Variants in PCDHA11 observed in about 807,000 individuals in gnomAD.
PCDHA11 encodes protocadherin alpha 11, also known as protocadherin alpha-11.
Under a neutral mutation model 70.3 loss-of-function variants are expected in PCDHA11, and 61 were observed. That is an observed-to-expected ratio of 0.87 (90% CI 0.71 to 1.07). The LOEUF (loss-of-function observed/expected upper bound fraction) is 1.07, where lower values mean the gene tolerates loss of function less well. PCDHA11 is among the 50% of genes least tolerant of loss of function. The pLI is 0.00. For missense variants in PCDHA11, 1,324 were observed against 1,237.5 expected (o/e 1.07, Z -1.05); for synonymous variants, 633 against 555.1 (o/e 1.14, Z -1.97).
chr5:140,890,990 A>T (rs782516672), intron 1 of PCDHA11, among the ~76,000 whole-genome samples: 1 of 152,142 alleles, frequency 6.6e-6, no homozygotes, highest in African/African-American at 2.4e-5. Flanking sequence ...TCTTTATTTC[A>T]TCATAATTAT....
rs1259591783 is a variant in PCDHA11, at chr5:141,009,842, G to C, written c.2755G>C (p.Glu919Gln). 1.2e-6 allele frequency: 2 copies of C among 1,613,960 alleles called. No individual in the cohort carries two copies. The highest frequency in any genetic ancestry group is 1.7e-6 in the Non-Finnish European group (2 of 1,180,014). ...TGACTTCATAACCTTCGGCAAAAAG[G>C]AGGAGACCAAGAAAAAGAAGAAAAA... ...KSDFITFGKKEETKKKKKKKK... is the reference protein window; with the variant it reads ...KSDFITFGKKQETKKKKKKKK... The change falls in exon 4 of 4, where the codon GAG becomes CAG. Residue 919 changes from glutamate (E) to glutamine (Q), a missense_variant. Coordinates refer to ENST00000398640, the MANE Select transcript of PCDHA11 (RefSeq NM_018902.5).
At position 140,963,044 on chromosome 5, in the gene PCDHA11, T is replaced by C. The variant is rs144557802; in HGVS notation, c.2392-15905T>C. On this transcript the variant is annotated intron_variant, in intron 1 of 3. Transcript: ENST00000398640. The stretch of plus-strand genomic sequence containing the variant: ...AAGCAATTAACATTTATTGAGAGTC[T>C]ATAAGGGTTTCTACATTGTGAAGGA... Among the ~76,000 whole-genome samples the C allele has an allele frequency of 9.3e-4, 141 of 152,294 alleles. 1 individual carries two copies. Among genetic ancestry groups the C allele is most frequent in the African/African-American group, 2.9e-3 (121 of 41,576 alleles).
Position 140,876,248 on chromosome 5 carries a change from CAA to C in PCDHA11, c.2391+4755_2391+4756del, listed in dbSNP as rs782415667. On this transcript the variant is annotated intron_variant, in intron 1 of 3. Transcript: ENST00000398640. ...TTGTCTGAAAATGTCCAAAACGACA[CAA>C]GAGTGATCCAACTAAATGCTTCCGA... 1.9e-6 allele frequency: 3 copies of C among 1,613,868 alleles called. No homozygotes were observed. In the East Asian group the frequency reaches 6.7e-5, roughly 36 times the overall value.
chr5:140,928,533 T>C (rs112671808), intron 1 of PCDHA11: 1 of 1,614,230 alleles, frequency 6.2e-7, no homozygotes, highest in African/African-American at 1.3e-5. Flanking sequence ...TTGTGGTAGA[T>C]AGGAATGACA....
At chr5:140,968,245 C>T (rs2096233117) in intron 1 of PCDHA11, 2 of 1,614,038 alleles carry the variant, frequency 1.2e-6, no homozygotes, top group Non-Finnish European at 1.7e-6. Flanking sequence ...CTGTGCAAGC[C>T]ACAGACCCAG....
intron 1 of PCDHA11, among the ~76,000 whole-genome samples, chr5:140,955,031 A>C (rs782110698): frequency 6.6e-6 from 1 of 152,166 alleles, no homozygotes; most frequent in Non-Finnish European, 1.5e-5. Flanking sequence ...TAAATAGGGA[A>C]TCTTTTCCTC....
At chr5:140,917,875 T>TC (rs1459321723) in intron 1 of PCDHA11, among the ~76,000 whole-genome samples, 11 of 152,026 alleles carry the variant, frequency 7.2e-5, no homozygotes, top group Non-Finnish European at 7.4e-5. Context: ...CTATTTGGGC[T>TC]CTTTTTTTTT....
intron 1 of PCDHA11, among the ~76,000 whole-genome samples, chr5:140,891,446 G>T (rs1554184841): frequency 1.0e-4 from 15 of 149,150 alleles, no homozygotes. Context: ...CATTGTATAG[G>T]ATTTTTGAAT....
chr5:140,880,381 A>C (rs2058322833), intron 1 of PCDHA11, among the ~76,000 whole-genome samples: 1 of 152,196 alleles, frequency 6.6e-6, no homozygotes, highest in Admixed American at 6.5e-5. Context: ...GAGAATAGAA[A>C]ATAATTTTTA....
chr5:140,989,685 A>G (rs1393246206), intron 3 of PCDHA11, among the ~76,000 whole-genome samples: 2 of 152,186 alleles, frequency 1.3e-5, no homozygotes, highest in Non-Finnish European at 2.9e-5. Context: ...TTTCAAAGGA[A>G]CGTGAAAATT....
chr5:140,882,996 A>G lies in PCDHA11; in HGVS notation c.2391+11502A>G, dbSNP rs782381110. On this transcript the variant is annotated intron_variant, in intron 1 of 3. Transcript: ENST00000398640. The stretch of plus-strand genomic sequence containing the variant: ...GTGAATGACAACGCCCCGGAATTTT[A>G]CCAATCCGTTTATAAAGTGACGGTG... 2.9e-5 allele frequency: 46 copies of G among 1,614,024 alleles called. No individual in the cohort carries two copies. The Middle Eastern group carries it at 4.9e-4, about 17-fold the overall frequency.
intron 3 of PCDHA11, among the ~76,000 whole-genome samples, chr5:141,005,012 G>T (rs782256217): frequency 3.3e-5 from 5 of 152,212 alleles, no homozygotes; most frequent in Non-Finnish European, 4.4e-5. Context: ...CCTGAGAGCT[G>T]CATTATATAT....
chr5:140,926,569 A>T (rs1245214494), intron 1 of PCDHA11: 1 of 261,750 alleles, frequency 3.8e-6, no homozygotes, highest in Admixed American at 5.3e-5. Context: ...CTGCTACTGG[A>T]GACAGCACCT....
chr5:140,881,180 T>G (rs1054668567), intron 1 of PCDHA11: 1 of 167,342 alleles, frequency 6.0e-6, no homozygotes, highest in East Asian at 1.9e-4. Flanking sequence ...TTTTCCTTGC[T>G]AAAGATATGT....
chr5:140,887,803 C>T (rs2061589449), intron 1 of PCDHA11, among the ~76,000 whole-genome samples: 2 of 152,050 alleles, frequency 1.3e-5, no homozygotes, highest in Admixed American at 1.3e-4. Flanking sequence ...TTATTTTTGT[C>T]CATTTCTTTC....
At chr5:140,914,290 T>A (rs1412561039) in intron 1 of PCDHA11, among the ~76,000 whole-genome samples, 1 of 152,200 alleles carries the variant, frequency 6.6e-6, no homozygotes, top group Non-Finnish European at 1.5e-5. Context: ...AATTGTTATA[T>A]CCTCTTGCTG....
intron 3 of PCDHA11, among the ~76,000 whole-genome samples, chr5:141,000,542 C>T (rs1331109215): frequency 6.7e-6 from 1 of 148,268 alleles, no homozygotes; most frequent in Non-Finnish European, 1.5e-5. Context: ...ATTCTCATGC[C>T]TCAAACTCCC....
At chr5:140,983,165 T>A (rs947834633) in intron 3 of PCDHA11, among the ~76,000 whole-genome samples, 14 of 152,220 alleles carry the variant, frequency 9.2e-5, no homozygotes, top group Admixed American at 4.6e-4. Context: ...TTGCCAAACA[T>A]GACCGCCTCA....
chr5:140,979,146 TC>T (rs2096836943), intron 2 of PCDHA11, 139 bp downstream of exon 2: 2 of 1,444,078 alleles, frequency 1.4e-6, no homozygotes, highest in African/African-American at 2.9e-5. Context: ...AATTATTTTG[TC>T]CCCATGTTTA....
Sources: allele counts gnomAD v4.1 joint callset (sites outside exome capture counted in the v4.1 genomes callset), GRCh38; gene constraint gnomAD v4.1.1; transcripts MANE v1.5; gene names NCBI Gene and HGNC (gene_info 2026-07-23, HGNC 2026-07-21).